Variants in IPO11 observed in about 807,000 individuals in gnomAD.
The protein encoded by IPO11 is importin 11.
In IPO11, 66 loss-of-function variants were observed where a neutral mutation model predicts 143.2. The ratio of observed to expected loss-of-function variants is 0.46; its 90% confidence interval spans 0.38 to 0.57. The LOEUF is 0.57. Ranked by LOEUF, IPO11 falls within the 20% of genes least tolerant of loss-of-function variation. IPO11 has a pLI of 0.00. For synonymous variants in IPO11, 385 were observed against 377.8 expected, an observed-to-expected ratio of 1.02 and a Z score of -0.22; for missense variants, 1,026 against 1,141.0, an observed-to-expected ratio of 0.90 and a Z score of 1.45.
Position 62,500,852 on chromosome 5 carries a change from G to C in IPO11, c.1591-3815G>C, listed in dbSNP as rs1741322557. 6.6e-5 allele frequency among the ~76,000 whole-genome samples: 10 copies of C among 152,158 alleles called. 1 individual carries two copies. In the South Asian group the frequency reaches 1.7e-3, roughly 25 times the overall value. On this transcript the variant is annotated intron_variant, in intron 16 of 29. Coordinates refer to ENST00000325324, the MANE Select transcript of IPO11 (RefSeq NM_016338.5). ...CTGTGCAGTAGATTTCTTTACACCA[G>C]CATCACCGCAAATGCATAGGTAATG...
chr5:62,498,028 TTTG>T (rs1241358829), intron 16 of IPO11, among the ~76,000 whole-genome samples: 1 of 151,580 alleles, frequency 6.6e-6, no homozygotes, highest in South Asian at 2.1e-4. Context: ...GTTTTTTTTT[TTTG>T]TTGTTGTTGT....
chr5:62,597,386 G>A (rs2112438516), intron 28 of IPO11, among the ~76,000 whole-genome samples: 1 of 152,310 alleles, frequency 6.6e-6, no homozygotes, highest in South Asian at 2.1e-4. Context: ...TTCACAAATT[G>A]GGCAGCCCCC....
chr5:62,506,088 A>T (rs968566547), intron 18 of IPO11, among the ~76,000 whole-genome samples, 153 bp from the exon 19 acceptor site: 4 of 152,086 alleles, frequency 2.6e-5, no homozygotes, highest in African/African-American at 9.7e-5. Flanking sequence ...AGCTTGAACG[A>T]TTTCAGGTTG....
chr5:62,498,487 T>TC (rs1741233357), intron 16 of IPO11, among the ~76,000 whole-genome samples: 1 of 152,260 alleles, frequency 6.6e-6, no homozygotes, highest in Non-Finnish European at 1.5e-5. Context: ...TTCCCAGGAC[T>TC]ACAGATGATT....
intron 27 of IPO11, chr5:62,580,275 A>G: frequency 6.5e-7 from 1 of 1,540,396 alleles, no homozygotes; most frequent in Non-Finnish European, 8.8e-7. Flanking sequence ...ATAATCTTAA[A>G]CATTTGATCT....
intron 5 of IPO11, among the ~76,000 whole-genome samples, chr5:62,463,003 T>G (rs1485030704): frequency 2.0e-5 from 3 of 152,044 alleles, no homozygotes; most frequent in Non-Finnish European, 4.4e-5. Context: ...CACACATATA[T>G]TACTTATATG....
At position 62,617,597 on chromosome 5, in the gene IPO11, A is replaced by G. The variant is rs1201734222; in HGVS notation, c.2764-9557A>G. Among the ~76,000 whole-genome samples the G allele has an allele frequency of 2.0e-5, 3 of 152,168 alleles. No homozygotes were observed. In the East Asian group the frequency reaches 5.8e-4, roughly 29 times the overall value. ...TTTTACTTTAATGACAATAAGATGAATGGAAGGAAAACAATTCCCTATTAT... is the reference window on the plus strand; with the variant it reads ...TTTTACTTTAATGACAATAAGATGAGTGGAAGGAAAACAATTCCCTATTAT... On this transcript the variant is annotated intron_variant, in intron 29 of 29. Transcript: ENST00000325324.
intron 26 of IPO11, among the ~76,000 whole-genome samples, chr5:62,559,855 G>A: frequency 7.5e-6 from 1 of 133,360 alleles, no homozygotes. Flanking sequence ...GGCAGAGGTT[G>A]CAGTGAACTG....
At position 62,472,820 on chromosome 5, in the gene IPO11, C is replaced by CACTTG. The variant is rs543014746; in HGVS notation, c.709-1595_709-1591dup. Reference sequence around the variant, plus strand: ...CTGGGATTACAGGCGTGAGCCACCACACTTGGCTTAAAAATCTTAAAAATA... The same window carrying CACTTG: ...CTGGGATTACAGGCGTGAGCCACCACACTTGACTTGGCTTAAAAATCTTAAAAATA... On this transcript the variant is annotated intron_variant, in intron 7 of 29. Coordinates refer to ENST00000325324, the MANE Select transcript of IPO11 (RefSeq NM_016338.5). 3.0e-4 allele frequency among the ~76,000 whole-genome samples: 45 copies of CACTTG among 152,278 alleles called. 2 individuals carry two copies. In the East Asian group the frequency reaches 8.5e-3, roughly 29 times the overall value.
intron 5 of IPO11, among the ~76,000 whole-genome samples, chr5:62,452,742 G>A (rs181747378): frequency 6.8e-6 from 1 of 148,010 alleles, no homozygotes; most frequent in Non-Finnish European, 1.5e-5. Context: ...GTGTGTGTGT[G>A]TGTGTGTGTG....
chr5:62,615,301 G>A (rs546649622), intron 29 of IPO11, among the ~76,000 whole-genome samples: 28 of 152,276 alleles, frequency 1.8e-4, no homozygotes, highest in Admixed American at 1.6e-3. Context: ...TCTACCCAAT[G>A]TTTGATAGTC....
intron 11 of IPO11, among the ~76,000 whole-genome samples, chr5:62,484,634 A>C (rs1391736043): frequency 1.3e-5 from 2 of 148,930 alleles, no homozygotes; most frequent in Non-Finnish European, 3.0e-5. Context: ...GTCTGTTGGG[A>C]CCCTTGCTAT....
chr5:62,621,802 C>G (rs996445343), intron 29 of IPO11, among the ~76,000 whole-genome samples: 2 of 152,168 alleles, frequency 1.3e-5, no homozygotes, highest in East Asian at 1.9e-4. Context: ...TTGAGGAATC[C>G]TTTGGAATTC....
At chr5:62,538,227 A>G (rs558453399) in intron 24 of IPO11, among the ~76,000 whole-genome samples, 77 of 152,306 alleles carry the variant, frequency 5.1e-4, no homozygotes, top group South Asian at 3.3e-3. Flanking sequence ...GTTTGCTTAC[A>G]GAAGTGCACT....
intron 1 of IPO11, among the ~76,000 whole-genome samples, chr5:62,419,958 G>A (rs570819629): frequency 1.3e-5 from 2 of 151,956 alleles, no homozygotes. Context: ...TTATGATGCC[G>A]GCATTGCTCT....
chr5:62,522,143 A>G (rs1288876536), intron 20 of IPO11, among the ~76,000 whole-genome samples: 2 of 152,200 alleles, frequency 1.3e-5, no homozygotes, highest in Non-Finnish European at 2.9e-5. Flanking sequence ...ATACACAAAA[A>G]AGGAAGAAGA....
At chr5:62,611,741 G>T (rs1157580235) in intron 29 of IPO11, among the ~76,000 whole-genome samples, 1 of 152,134 alleles carries the variant, frequency 6.6e-6, no homozygotes. Context: ...GAAGAATGTG[G>T]TCTCATTTGG....
intron 8 of IPO11, among the ~76,000 whole-genome samples, chr5:62,475,368 A>G (rs1745920893): frequency 1.3e-5 from 2 of 152,164 alleles, no homozygotes; most frequent in African/African-American, 4.8e-5. Context: ...AAAAAATATT[A>G]AAAAGTTAGC....
At chr5:62,413,224 G>C (rs1743178349) in intron 1 of IPO11, among the ~76,000 whole-genome samples, 1 of 152,228 alleles carries the variant, frequency 6.6e-6, no homozygotes, top group Non-Finnish European at 1.5e-5. Flanking sequence ...CGTGACCGCG[G>C]TTGCGGACCT....
Sources: gnomAD v4.1 joint callset for allele counts (sites outside exome capture counted in the v4.1 genomes callset) on GRCh38, gnomAD v4.1.1 for gene constraint, MANE v1.5 for transcripts, NCBI Gene and HGNC (gene_info 2026-07-23, HGNC 2026-07-21) for gene names.